MBD5: variants seen among roughly 807,000 people sequenced by gnomAD.
MBD5 encodes the protein methyl-CpG-binding domain protein 5.
Under a neutral mutation model 117.3 loss-of-function variants are expected in MBD5, and 13 were observed. The ratio of observed to expected loss-of-function variants is 0.11; its 90% CI spans 0.07 to 0.18. MBD5 has a LOEUF of 0.18. MBD5 is among the 10% of genes least tolerant of loss of function. MBD5 has a pLI of 1.00. For missense variants in MBD5, 1,879 were observed against 2,093.8 expected (o/e 0.90, Z 2.00); for synonymous variants, 727 against 766.4 (o/e 0.95, Z 0.85).
chr2:148,367,653 A>C (rs1263453665), intron 4 of MBD5, among the ~76,000 whole-genome samples: 3 of 152,234 alleles, frequency 2.0e-5, no homozygotes, highest in African/African-American at 7.2e-5. Flanking sequence ...CAACCCCATC[A>C]AAAAATGGGA....
At chr2:148,028,606 A>G (rs1057366929) in intron 1 of MBD5, 1 of 152,076 alleles carries the variant, frequency 6.6e-6, no homozygotes, top group Admixed American at 6.5e-5. Context: ...AAAAATAATA[A>G]TTTAGACTGT....
intron 2 of MBD5, among the ~76,000 whole-genome samples, chr2:148,214,539 A>T (rs879538852): frequency 2.0e-5 from 3 of 152,200 alleles, no homozygotes; most frequent in Non-Finnish European, 1.5e-5. Context: ...ATTCATTCTT[A>T]AATTTCCCCA....
chr2:148,197,397 A>T (rs1282621853), intron 2 of MBD5, among the ~76,000 whole-genome samples: 1 of 152,322 alleles, frequency 6.6e-6, no homozygotes, highest in East Asian at 1.9e-4. Flanking sequence ...ATTGTTTGTT[A>T]TGCAGCAGTA....
intron 1 of MBD5, among the ~76,000 whole-genome samples, chr2:148,119,850 A>G (rs911527836): frequency 2.6e-5 from 4 of 151,076 alleles, no homozygotes; most frequent in South Asian, 2.1e-4. Context: ...CCATTAATCT[A>G]TATGTCTACC....
chr2:148,406,637 T>TC (rs76249726), intron 4 of MBD5, among the ~76,000 whole-genome samples: 36,152 of 152,098 alleles, frequency 0.24, 4,841 homozygotes, highest in African/African-American at 0.36. Context: ...CATGATTCCC[T>TC]CCTCACCTAT....
At chr2:148,361,432 G>C (rs894197017) in intron 4 of MBD5, among the ~76,000 whole-genome samples, 1 of 152,074 alleles carries the variant, frequency 6.6e-6, no homozygotes, top group African/African-American at 2.4e-5. Flanking sequence ...CATCAGTTGG[G>C]ACACTGACTC....
chr2:148,153,209 G>C (rs1021984952), intron 1 of MBD5, among the ~76,000 whole-genome samples: 1 of 151,042 alleles, frequency 6.6e-6, no homozygotes, highest in Non-Finnish European at 1.5e-5. Flanking sequence ...AGCTTAGTTT[G>C]GCTGGCTATG....
intron 3 of MBD5, among the ~76,000 whole-genome samples, chr2:148,329,212 A>G (rs1702564964): frequency 6.6e-6 from 1 of 152,214 alleles, no homozygotes; most frequent in Non-Finnish European, 1.5e-5. Flanking sequence ...AACTGCACTT[A>G]CTCAGTTTCT....
At chr2:148,398,811 T>C (rs1001148969) in intron 4 of MBD5, among the ~76,000 whole-genome samples, 1 of 152,224 alleles carries the variant, frequency 6.6e-6, no homozygotes, top group Admixed American at 6.5e-5. Context: ...CTTTAATCTA[T>C]CTTGAATTAA....
At chr2:148,052,980 AAAG>A (rs34436736) in intron 1 of MBD5, among the ~76,000 whole-genome samples, 32,194 of 135,070 alleles carry the variant, frequency 0.24, 3,856 homozygotes, top group Middle Eastern at 0.38. Flanking sequence ...AAAAAAAAAA[AAAG>A]AGAGAGACAA....
In MBD5 at chr2:148,377,645, A is replaced by T. The variant is rs374573007; in HGVS notation, c.-557+35309A>T. 2.0e-5 allele frequency among the ~76,000 whole-genome samples: 3 copies of T among 152,276 alleles called. No individual in the cohort carries two copies. In the East Asian group the frequency reaches 5.8e-4, roughly 29 times the overall value. ...CTTCCTCTAAATTATTTTCATCAAA[A>T]CGTAATAAATTATATAAATCTAAAG... On this transcript the variant is annotated intron_variant, in intron 4 of 13. Coordinates refer to ENST00000642680, the MANE Select transcript of MBD5 (RefSeq NM_001378120.1).
intron 3 of MBD5, among the ~76,000 whole-genome samples, chr2:148,340,644 T>C (rs1289021380): frequency 6.6e-6 from 1 of 152,092 alleles, no homozygotes; most frequent in Non-Finnish European, 1.5e-5. Context: ...TTCTAATGAT[T>C]GAGGGAGTTG....
At chr2:148,411,512 C>CTTT (rs1188326755) in intron 4 of MBD5, among the ~76,000 whole-genome samples, 2,232 of 97,366 alleles carry the variant, frequency 0.023, 33 homozygotes, top group Non-Finnish European at 0.03. Flanking sequence ...AGCATCTGTT[C>CTTT]TTTTTTTTTT....
At chr2:148,085,696 C>T (rs962864431) in intron 1 of MBD5, among the ~76,000 whole-genome samples, 5 of 151,550 alleles carry the variant, frequency 3.3e-5, no homozygotes, top group Non-Finnish European at 7.4e-5. Flanking sequence ...TGCACTCCAG[C>T]CTGGGCGACA....
intron 4 of MBD5, among the ~76,000 whole-genome samples, chr2:148,344,968 T>C (rs1297248047): frequency 6.6e-6 from 1 of 151,880 alleles, no homozygotes; most frequent in East Asian, 1.9e-4. Context: ...CCATGACATA[T>C]AACCTAAGGA....
intron 2 of MBD5, among the ~76,000 whole-genome samples, chr2:148,218,211 C>T (rs1407769372): frequency 6.6e-6 from 1 of 152,056 alleles, no homozygotes; most frequent in Non-Finnish European, 1.5e-5. Context: ...GGATAGGTCT[C>T]ATCCAGGCTG....
intron 1 of MBD5, among the ~76,000 whole-genome samples, chr2:148,022,677 C>G: frequency 6.6e-6 from 1 of 152,054 alleles, no homozygotes; most frequent in East Asian, 1.9e-4. Context: ...TTTTTCATCT[C>G]AATTTCTCTT....
intron 5 of MBD5, chr2:148,460,157 A>G (rs1034370832): frequency 1.3e-5 from 2 of 152,220 alleles, no homozygotes; most frequent in Non-Finnish European, 2.9e-5. Flanking sequence ...TATTCAGCAT[A>G]GAACAAAAGA....
chr2:148,146,584 GT>G (rs1288104368), intron 1 of MBD5, among the ~76,000 whole-genome samples: 1 of 151,948 alleles, frequency 6.6e-6, no homozygotes, highest in Non-Finnish European at 1.5e-5. Context: ...GGTTATGTAT[GT>G]CTTTAATTTA....
Sources: gnomAD v4.1 joint callset for allele counts (sites outside exome capture counted in the v4.1 genomes callset) on GRCh38, gnomAD v4.1.1 for gene constraint, MANE v1.5 for transcripts, NCBI Gene and HGNC (gene_info 2026-07-23, HGNC 2026-07-21) for gene names.